DENND1A: variants seen among roughly 807,000 people sequenced by gnomAD.
The protein encoded by DENND1A is DENN domain-containing protein 1A.
Under a neutral mutation model 113.7 loss-of-function variants are expected in DENND1A, and 51 were observed. The observed-to-expected ratio is 0.45, with a 90% CI of 0.36 to 0.57. The LOEUF is 0.57. Among genes scored for constraint, DENND1A ranks in the 20% least tolerant of loss-of-function variants. The pLI is 0.00. For missense variants in DENND1A, 1,258 were observed against 1,395.9 expected (o/e 0.90, Z 1.57); for synonymous variants, 565 against 570.8 (o/e 0.99, Z 0.14).
intron 2 of DENND1A, among the ~76,000 whole-genome samples, chr9:123,847,897 G>A (rs1842831260): frequency 6.6e-6 from 1 of 152,118 alleles, no homozygotes; most frequent in Non-Finnish European, 1.5e-5. Context: ...TAGCCCCACT[G>A]TACTCCAGCT....
chr9:123,384,392 A>C (rs1337630960), intron 22 of DENND1A, among the ~76,000 whole-genome samples: 1 of 152,144 alleles, frequency 6.6e-6, no homozygotes, highest in East Asian at 1.9e-4. Flanking sequence ...TCTCCAGGGG[A>C]GCTGTCTGGG....
intron 9 of DENND1A, among the ~76,000 whole-genome samples, chr9:123,639,391 A>T (rs2061901050): frequency 6.6e-6 from 1 of 150,432 alleles, no homozygotes; most frequent in South Asian, 2.1e-4. Context: ...GTGAGCAAAG[A>T]TAACCCCACT....
rs1168546766 is a variant in DENND1A at position 123,711,505 on chromosome 9, G to GTATATA, written c.303-34722_303-34717dup. On this transcript the variant is annotated intron_variant, in intron 5 of 23. Coordinates refer to ENST00000394215, the MANE Select transcript of DENND1A (RefSeq NM_001352964.2). ...TTAAAAAATATATATATATATATAT[G>GTATATA]TATATATGTATATATATATATATAT... is the stretch of plus-strand genomic sequence containing the variant. 1.7e-3 allele frequency among the ~76,000 whole-genome samples: 109 copies of GTATATA among 62,472 alleles called. 1 individual carries two copies. The highest frequency in any genetic ancestry group is 8.2e-3 in the African/African-American group (91 of 11,058). 41.0% of individuals were successfully genotyped at this position (62,472 alleles called of 152,430 possible).
chr9:123,561,074 G>A (rs2057725093), intron 12 of DENND1A, among the ~76,000 whole-genome samples: 1 of 152,164 alleles, frequency 6.6e-6, no homozygotes, highest in African/African-American at 2.4e-5. Context: ...GGACTACAGT[G>A]ACATTTCCAT....
intron 5 of DENND1A, among the ~76,000 whole-genome samples, chr9:123,715,469 A>G (rs773133285): frequency 9.2e-5 from 14 of 152,218 alleles, no homozygotes; most frequent in Non-Finnish European, 2.1e-4. Context: ...ATTCACCCAC[A>G]TCAATGACTG....
At chr9:123,402,632 G>A (rs749594468) in intron 21 of DENND1A, 2 of 534,624 alleles carry the variant, frequency 3.7e-6, no homozygotes, top group East Asian at 5.4e-5. Flanking sequence ...GGAAGTCAGC[G>A]TGTAGCCGCT....
intron 19 of DENND1A, among the ~76,000 whole-genome samples, chr9:123,418,913 C>T (rs918538861): frequency 6.6e-6 from 1 of 152,218 alleles, no homozygotes; most frequent in Non-Finnish European, 1.5e-5. Context: ...GGGCAGAGGG[C>T]AGACAGCTGT....
At chr9:123,506,580 C>CA (rs10542393) in intron 13 of DENND1A, among the ~76,000 whole-genome samples, 7,816 of 73,802 alleles carry the variant, frequency 0.11, 1,837 homozygotes, top group African/African-American at 0.2. Flanking sequence ...GACTCTGTCT[C>CA]AAAAAAAAAA....
intron 22 of DENND1A, among the ~76,000 whole-genome samples, chr9:123,387,433 C>T (rs1180249979): frequency 1.3e-5 from 2 of 152,324 alleles, no homozygotes; most frequent in Non-Finnish European, 2.9e-5. Context: ...TAATTGTAGT[C>T]ACCAGTTCCA....
intron 2 of DENND1A, among the ~76,000 whole-genome samples, chr9:123,821,732 T>C (rs1838504865): frequency 6.6e-6 from 1 of 152,236 alleles, no homozygotes; most frequent in African/African-American, 2.4e-5. Flanking sequence ...TTCATTGTTG[T>C]CTCCAGCTTT....
chr9:123,910,919 G>A (rs1853838462), intron 1 of DENND1A, among the ~76,000 whole-genome samples: 2 of 152,090 alleles, frequency 1.3e-5, no homozygotes, highest in South Asian at 4.1e-4. Flanking sequence ...TTCCAGTCTG[G>A]GCAATGAAGC....
chr9:123,855,520 A>G (rs1844034526), intron 2 of DENND1A, among the ~76,000 whole-genome samples: 1 of 152,208 alleles, frequency 6.6e-6, no homozygotes, highest in Non-Finnish European at 1.5e-5. Context: ...CAGCTAGTGC[A>G]GAAGGTCAAT....
At chr9:123,925,662 A>G (rs1016544325) in intron 1 of DENND1A, among the ~76,000 whole-genome samples, 3 of 152,186 alleles carry the variant, frequency 2.0e-5, no homozygotes, top group Non-Finnish European at 4.4e-5. Context: ...GCTAACATTT[A>G]TTGTTTAATA....
chr9:123,425,482 C>T (rs1000110714), intron 19 of DENND1A, among the ~76,000 whole-genome samples: 2 of 152,264 alleles, frequency 1.3e-5, no homozygotes, highest in Admixed American at 1.3e-4. Flanking sequence ...GAACAAGTCA[C>T]TGCCTTTTGC....
intron 19 of DENND1A, among the ~76,000 whole-genome samples, chr9:123,438,915 C>T (rs541296673): frequency 4.3e-4 from 66 of 152,316 alleles, no homozygotes; most frequent in African/African-American, 1.4e-3. Flanking sequence ...ATGTTTAACA[C>T]CATGAAATCC....
intron 1 of DENND1A, among the ~76,000 whole-genome samples, chr9:123,901,914 G>C (rs1480049756): frequency 6.6e-6 from 1 of 152,122 alleles, no homozygotes; most frequent in East Asian, 1.9e-4. Flanking sequence ...GCTGAGGCAG[G>C]AGAATGGTGT....
At chr9:123,486,140 G>C (rs546005767) in intron 13 of DENND1A, among the ~76,000 whole-genome samples, 11 of 152,212 alleles carry the variant, frequency 7.2e-5, no homozygotes, top group African/African-American at 2.2e-4. Flanking sequence ...CAACCTCTCT[G>C]AGCCCTAATT....
chr9:123,552,021 G>GAGAGAGAGAGAGAGAC (rs1171118150), intron 13 of DENND1A, among the ~76,000 whole-genome samples: 2,586 of 93,046 alleles, frequency 0.028, 55 homozygotes, highest in African/African-American at 0.063. Flanking sequence ...GCGAGAGCGA[G>GAGAGAGAGAGAGAGAC]AGAGAGAGAG....
At chr9:123,636,796 G>T (rs563318370) in intron 9 of DENND1A, among the ~76,000 whole-genome samples, 1 of 149,994 alleles carries the variant, frequency 6.7e-6, no homozygotes, top group East Asian at 2.0e-4. Context: ...TGCCTGCCAG[G>T]TTCAACTCTC....
Sources: gnomAD v4.1 joint callset for allele counts (sites outside exome capture counted in the v4.1 genomes callset) on GRCh38, gnomAD v4.1.1 for gene constraint, MANE v1.5 for transcripts, NCBI Gene and HGNC (gene_info 2026-07-23, HGNC 2026-07-21) for gene names.